Variants in SLC12A4 observed in about 807,000 individuals in gnomAD.
SLC12A4 encodes the protein electroneutral potassium-chloride cotransporter 1.
A neutral mutation model predicts 119.2 loss-of-function variants in SLC12A4; 84 were observed. The ratio of observed to expected loss-of-function variants is 0.70; its 90% CI spans 0.59 to 0.85. The LOEUF (loss-of-function observed/expected upper bound fraction) is 0.85, where lower values mean the gene tolerates loss of function less well. Among genes scored for constraint, SLC12A4 ranks in the 40% least tolerant of loss-of-function variants. The probability of loss-of-function intolerance (pLI) is 0.00; values close to 1 mark genes in which losing one functional copy is unlikely to be tolerated. For missense variants in SLC12A4, 1,298 were observed against 1,476.3 expected (o/e 0.88, Z 1.98); for synonymous variants, 599 against 604.6 (o/e 0.99, Z 0.14).
intron 6 of SLC12A4, among the ~76,000 whole-genome samples, chr16:67,953,024 G>A (rs1160881381): frequency 6.6e-6 from 1 of 151,962 alleles, no homozygotes; most frequent in South Asian, 2.1e-4. Flanking sequence ...CTTCAGTCTC[G>A]GAGGTGGTGG....
chr16:67,946,147 A>G (rs201771708), intron 19 of SLC12A4, 24 bp downstream of exon 19: 179 of 1,613,586 alleles, frequency 1.1e-4, no homozygotes, highest in Non-Finnish European at 1.4e-4. Flanking sequence ...AGCCCCTCTC[A>G]TCTGCACCCA....
In SLC12A4 at chr16:67,952,243, G is replaced by A. The variant is rs1233260863; in HGVS notation, c.858C>T (p.Ile286=). 1 of 1,614,176 alleles carries A rather than the reference G, an allele frequency of 6.2e-7. No individual in the cohort carries two copies. Among genetic ancestry groups the A allele is most frequent in the Non-Finnish European group, 8.5e-7 (1 of 1,180,024 alleles). Residue 286 remains isoleucine (I), a synonymous_variant, in exon 7 of 24, where the codon ATC becomes ATT. Transcript: ENST00000316341. ...CCCCAGCATAGATGGAGAGGATGGA[G>A]ATGATCACACAGGCCAGGAAGAGCG... ...FASLFLACVI[I]SILSIYAGGI...
intron 22 of SLC12A4, 43 bp from the exon 23 acceptor site, chr16:67,945,263 T>C: frequency 6.4e-7 from 1 of 1,555,396 alleles, no homozygotes; most frequent in South Asian, 1.2e-5. Flanking sequence ...TGAGCCATCC[T>C]GCAAGGAGGG....
rs757424509 is a variant in SLC12A4, at chr16:67,947,025, A to T, written c.2153T>A (p.Leu718His). The T allele has an allele frequency of 6.2e-7, 1 of 1,613,084 alleles. No homozygotes were observed. The highest frequency in any genetic ancestry group is 8.5e-7 in the Non-Finnish European group (1 of 1,180,004). Residue 718 changes from leucine to histidine, a missense_variant, in exon 17 of 24, where the codon CTC (leucine) becomes CAC (histidine). Transcript: ENST00000316341. The stretch of plus-strand genomic sequence containing the variant: ...AATGGTCAGGCCCTTGCCAGCCTTG[A>T]GCTGGGAGGCGAAGGTGAGGAGCCG... Reference protein sequence around the residue: ...YPRLLTFASQLKAGKGLTIVG... With the variant: ...YPRLLTFASQHKAGKGLTIVG...
In SLC12A4 at chr16:67,950,000, C is replaced by G. The variant is rs1016025444; in HGVS notation, c.1630-82G>C. On this transcript the variant is annotated intron_variant, in intron 12 of 23. Transcript: ENST00000316341. This position sits in a 1 kb window ranked among gnomAD's most constrained non-coding sequence, Gnocchi z 4.6. Reference sequence around the variant, plus strand: ...CCAGACCCCAGCCTGGCCTCCCTCACCCCCAGGGCCCGCCTTGGGGGCTCA... The same window carrying G: ...CCAGACCCCAGCCTGGCCTCCCTCAGCCCCAGGGCCCGCCTTGGGGGCTCA... The G allele has an allele frequency of 3.6e-6, 4 of 1,104,666 alleles. No individual in the cohort carries two copies. Among genetic ancestry groups the G allele is most frequent in the Non-Finnish European group, 5.4e-6 (4 of 734,420 alleles). The allele number at this position is 1,104,666 out of a possible 1,614,324, so 68.4% of individuals were successfully genotyped here.
chr16:67,950,926 C>T lies in SLC12A4; in HGVS notation c.1396+36G>A. ...GTACACAGGCCAAGCGCTTCCCGTC[C>T]TCTGCCCCACCTGCCCCAGGCCTGG... On this transcript the variant is annotated intron_variant, in intron 10 of 23. Transcript: ENST00000316341. This position sits in a 1 kb window ranked among gnomAD's most constrained non-coding sequence, Gnocchi z 4.3. 1 of 1,604,640 alleles carries T rather than the reference C, an allele frequency of 6.2e-7. No individual in the cohort carries two copies. The highest frequency in any genetic ancestry group is 1.1e-5 in the South Asian group (1 of 90,792).
At chr16:67,965,856 A>G (rs2030844610) in intron 1 of SLC12A4, among the ~76,000 whole-genome samples, 1 of 152,174 alleles carries the variant, frequency 6.6e-6, no homozygotes, top group African/African-American at 2.4e-5. Flanking sequence ...AGGAGAGTGA[A>G]GCTCAAAGAT....
chr16:67,957,255 T>C (rs998029570), intron 5 of SLC12A4, among the ~76,000 whole-genome samples: 1 of 151,478 alleles, frequency 6.6e-6, no homozygotes, highest in Non-Finnish European at 1.5e-5. Context: ...CCGCAAGCTC[T>C]GCCTGCCAGG....
chr16:67,945,732 C>T (rs370108893), intron 21 of SLC12A4, 32 bp downstream of exon 21: 2 of 1,595,766 alleles, frequency 1.3e-6, no homozygotes, highest in South Asian at 1.1e-5. Context: ...ACCCTGCCAC[C>T]CGCCCTGGCG....
At position 67,943,781 on chromosome 16, in the gene SLC12A4, G is replaced by A. The variant is rs554132257; in HGVS notation, c.*1059C>T. On this transcript the variant is annotated 3_prime_UTR_variant, in exon 24 of 24. Transcript: ENST00000316341. This position sits in a 1 kb window ranked among gnomAD's most constrained non-coding sequence, Gnocchi z 4.6. ...GTCACAGTGTGGTGGGAGAAGGGAC[G>A]TCATTCCTCTAAGGGACAAGCTTTT... 6.9e-5 allele frequency: 45 copies of A among 655,780 alleles called. No individual in the cohort carries two copies. Among genetic ancestry groups the A allele is most frequent in the South Asian group, 5.4e-4 (25 of 46,074 alleles). The allele number at this position is 655,780 out of a possible 1,614,324, so 40.6% of individuals were successfully genotyped here.
chr16:67,953,461 T>C (rs774596720), intron 6 of SLC12A4, among the ~76,000 whole-genome samples: 2 of 152,194 alleles, frequency 1.3e-5, no homozygotes, highest in African/African-American at 2.4e-5. Flanking sequence ...ACATATTATA[T>C]GATTCTGTTT....
intron 6 of SLC12A4, 54 bp from the exon 7 acceptor site, chr16:67,952,479 CTT>C (rs1202470989): frequency 6.2e-7 from 1 of 1,603,114 alleles, no homozygotes; most frequent in Admixed American, 1.7e-5. Flanking sequence ...GAAAGTGAAA[CTT>C]GTCGTTTTGG....
At position 67,957,767 on chromosome 16, in the gene SLC12A4, G is replaced by A. The variant is rs1178474636; in HGVS notation, c.519C>T (p.Ala173=). The A allele has an allele frequency of 1.2e-6, 2 of 1,613,730 alleles. No homozygotes were observed. The highest frequency in any genetic ancestry group is 1.7e-6 in the Non-Finnish European group (2 of 1,180,056). Residue 173 remains alanine, a synonymous_variant, in exon 5 of 24, where the codon GCC becomes GCT. Coordinates refer to ENST00000316341, the MANE Select transcript of SLC12A4 (RefSeq NM_005072.5). The part of the protein sequence containing the change: ...CTLLTAISMS[A]IATNGVVPAG... ...CTGGAACCACACCGTTGGTGGCGAT[G>A]GCACTCATGGAGATGGCCGTCAGCA...
Position 67,952,261 on chromosome 16 carries a change from GA to G in SLC12A4, c.839del (p.Phe280SerfsTer5). 1 of 1,614,166 alleles carries G rather than the reference GA, an allele frequency of 6.2e-7. No homozygotes were observed. Among genetic ancestry groups the G allele is most frequent in the African/African-American group, 1.3e-5 (1 of 75,052 alleles). On this transcript the variant is annotated frameshift_variant, in exon 7 of 24. Transcript: ENST00000316341. LOFTEE classifies it high-confidence loss of function. Reference sequence around the variant, plus strand: ...GGATGGAGATGATCACACAGGCCAGGAAGAGCGAGGCAAATTTGTTCACATA... The same window carrying G: ...GGATGGAGATGATCACACAGGCCAGGAGAGCGAGGCAAATTTGTTCACATA... ...VKYVNKFASL[F>X]LACVIISILS...
At chr16:67,947,189 G>C (rs2058360772) in intron 16 of SLC12A4, 84 bp from the exon 17 acceptor site, 1 of 1,517,832 alleles carries the variant, frequency 6.6e-7, no homozygotes, top group African/African-American at 1.4e-5. Flanking sequence ...TCGGGTCGTG[G>C]TCCCTGCAGG....
At position 67,954,855 on chromosome 16, in the gene SLC12A4, A is replaced by G. The variant is rs73596516; in HGVS notation, c.545-82T>C. ...CTCCCTGTGACAAGCCTGCACAACC[A>G]CCCAGAGGGACAGGGACTGCTTTTC... On this transcript the variant is annotated intron_variant, in intron 5 of 23. Transcript: ENST00000316341. The G allele has an allele frequency of 0.015, 22,654 of 1,550,624 alleles. 1,369 individuals are homozygous for G. In the African/African-American group the frequency reaches 0.18, roughly 12 times the overall value.
Position 67,944,584 on chromosome 16 carries a change from TCTC to T in SLC12A4, c.*253_*255del, listed in dbSNP as rs1432482652. 7.5e-7 allele frequency: 1 copy of T among 1,334,234 alleles called. No individual in the cohort carries two copies. Among genetic ancestry groups the T allele is most frequent in the East Asian group, 2.9e-5 (1 of 34,752 alleles). The allele number at this position is 1,334,234 out of a possible 1,614,324, so 82.6% of individuals were successfully genotyped here. ...AACCCCACTCGGCCCCTACCAGTCTTCTCTGGCCAGGACAGGCCTACTGGGGTG... is the reference window on the plus strand; with the variant it reads ...AACCCCACTCGGCCCCTACCAGTCTTTGGCCAGGACAGGCCTACTGGGGTG... On this transcript the variant is annotated 3_prime_UTR_variant, in exon 24 of 24. Coordinates refer to ENST00000316341, the MANE Select transcript of SLC12A4 (RefSeq NM_005072.5). The surrounding 1 kb of genome is among the most constrained non-coding windows in gnomAD (Gnocchi z 6.6).
rs949748157 is a variant in SLC12A4 at position 67,951,375 on chromosome 16, G to A, written c.1133-71C>T. On this transcript the variant is annotated intron_variant, in intron 8 of 23. Transcript: ENST00000316341. The surrounding 1 kb of genome is among the most constrained non-coding windows in gnomAD (Gnocchi z 5.2). Reference sequence around the variant, plus strand: ...CAGGTAGTTTGGGGCAGCCTAGCCAGAGGCGCAGATGCAGGGCAACTTTGG... The same window carrying A: ...CAGGTAGTTTGGGGCAGCCTAGCCAAAGGCGCAGATGCAGGGCAACTTTGG... The A allele has an allele frequency of 6.5e-7, 1 of 1,541,760 alleles. No individual in the cohort carries two copies. The highest frequency in any genetic ancestry group is 1.4e-5 in the African/African-American group (1 of 72,866).
chr16:67,968,639 C>T, upstream of SLC12A4: 2 of 1,286,312 alleles, frequency 1.6e-6, no homozygotes, highest in African/African-American at 1.6e-5. Flanking sequence ...GGCCGACACG[C>T]CCCGCCCGCT....
Sources: allele counts gnomAD v4.1 joint callset (sites outside exome capture counted in the v4.1 genomes callset), GRCh38; gene constraint gnomAD v4.1.1; non-coding constraint Gnocchi (gnomAD v3.1); transcripts MANE v1.5; gene names NCBI Gene and HGNC (gene_info 2026-07-23, HGNC 2026-07-21).